Variants in SLC2A13 observed in about 807,000 individuals in gnomAD.
The protein encoded by SLC2A13 is solute carrier family 2 member 13.
Under a neutral mutation model 64.4 loss-of-function variants are expected in SLC2A13, and 32 were observed. The ratio of observed to expected loss-of-function variants is 0.50; its 90% CI spans 0.37 to 0.67. The LOEUF (loss-of-function observed/expected upper bound fraction) is 0.67. Among genes scored for constraint, SLC2A13 ranks in the 30% least tolerant of loss-of-function variants. The probability of loss-of-function intolerance (pLI) is 0.00; values close to 1 mark genes in which losing one functional copy is unlikely to be tolerated. For missense variants in SLC2A13, 743 were observed against 829.2 expected (o/e 0.90, Z 1.28); for synonymous variants, 338 against 327.1 (o/e 1.03, Z -0.36).
intron 4 of SLC2A13, among the ~76,000 whole-genome samples, chr12:39,923,753 A>G (rs1478335873): frequency 6.6e-6 from 1 of 151,332 alleles, no homozygotes; most frequent in Non-Finnish European, 1.5e-5. Flanking sequence ...AAAATTTTTC[A>G]GAAAAGAAAG....
At chr12:39,766,138 C>T (rs1220603678) in intron 7 of SLC2A13, among the ~76,000 whole-genome samples, 1 of 152,088 alleles carries the variant, frequency 6.6e-6, no homozygotes, top group Non-Finnish European at 1.5e-5. Context: ...TGTTTATCTC[C>T]TCATTTCTGA....
intron 3 of SLC2A13, among the ~76,000 whole-genome samples, chr12:40,005,546 C>G (rs1190471992): frequency 6.6e-6 from 1 of 152,150 alleles, no homozygotes; most frequent in Non-Finnish European, 1.5e-5. Flanking sequence ...TGAAGTGGTT[C>G]TCAAAGGGCA....
chr12:39,878,552 G>A (rs910121672), intron 4 of SLC2A13, among the ~76,000 whole-genome samples: 1 of 152,172 alleles, frequency 6.6e-6, no homozygotes, highest in Non-Finnish European at 1.5e-5. Context: ...GCTTGAGATT[G>A]ATTACTACAG....
At chr12:40,081,013 T>G (rs533095410) in intron 1 of SLC2A13, among the ~76,000 whole-genome samples, 1 of 152,218 alleles carries the variant, frequency 6.6e-6, no homozygotes, top group African/African-American at 2.4e-5. Context: ...TCTTTAAGGC[T>G]GCTGAATATA....
intron 7 of SLC2A13, among the ~76,000 whole-genome samples, chr12:39,773,157 A>G (rs921376976): frequency 2.0e-5 from 3 of 152,160 alleles, no homozygotes; most frequent in African/African-American, 7.2e-5. Context: ...AGAAAAAGTC[A>G]TGCTCTTGGA....
intron 3 of SLC2A13, among the ~76,000 whole-genome samples, chr12:39,951,914 T>C (rs977382286): frequency 6.6e-6 from 1 of 152,136 alleles, no homozygotes; most frequent in Non-Finnish European, 1.5e-5. Context: ...TAATAAAAGT[T>C]ACCAAAAAGT....
intron 6 of SLC2A13, among the ~76,000 whole-genome samples, chr12:39,858,353 T>C (rs1442134386): frequency 6.6e-6 from 1 of 152,214 alleles, no homozygotes; most frequent in Non-Finnish European, 1.5e-5. Flanking sequence ...CATTGTTTTC[T>C]ACTGTAGCAT....
chr12:39,838,618 A>G (rs1943092913), intron 6 of SLC2A13, among the ~76,000 whole-genome samples: 1 of 152,090 alleles, frequency 6.6e-6, no homozygotes, highest in Non-Finnish European at 1.5e-5. Flanking sequence ...GCTTCCAATT[A>G]AAGTAAAAAA....
At chr12:39,889,671 T>C (rs773317902) in intron 4 of SLC2A13, among the ~76,000 whole-genome samples, 86 of 151,608 alleles carry the variant, frequency 5.7e-4, no homozygotes, top group East Asian at 3.5e-3. Flanking sequence ...TAGCTGGGAC[T>C]ACAGGTGCCC....
At chr12:39,977,425 C>T (rs1262033472) in intron 3 of SLC2A13, among the ~76,000 whole-genome samples, 1 of 152,206 alleles carries the variant, frequency 6.6e-6, no homozygotes, top group Non-Finnish European at 1.5e-5. Flanking sequence ...TATTTTGTCT[C>T]AGTGTTCACT....
intron 1 of SLC2A13, among the ~76,000 whole-genome samples, chr12:40,063,708 A>T (rs1038214936): frequency 6.6e-6 from 1 of 152,198 alleles, no homozygotes; most frequent in Non-Finnish European, 1.5e-5. Context: ...TGACTCCAAC[A>T]AGAAAGTCAT....
intron 1 of SLC2A13, among the ~76,000 whole-genome samples, chr12:40,068,786 C>G (rs1937842575): frequency 6.6e-6 from 1 of 150,632 alleles, no homozygotes; most frequent in South Asian, 2.1e-4. Flanking sequence ...ATCATAGACA[C>G]AGCTGATAAA....
chr12:39,845,076 C>A (rs1379176007), intron 6 of SLC2A13, among the ~76,000 whole-genome samples: 2 of 151,548 alleles, frequency 1.3e-5, no homozygotes, highest in African/African-American at 4.8e-5. Flanking sequence ...AAACTAATTA[C>A]TTTTTACTGT....
At chr12:39,944,195 T>G (rs1946095099) in intron 4 of SLC2A13, among the ~76,000 whole-genome samples, 1 of 152,386 alleles carries the variant, frequency 6.6e-6, no homozygotes, top group South Asian at 2.1e-4. Flanking sequence ...TATTCCACTG[T>G]GATTTGAAAG....
chr12:39,874,733 T>C (rs1944140960), intron 4 of SLC2A13, among the ~76,000 whole-genome samples: 1 of 152,086 alleles, frequency 6.6e-6, no homozygotes, highest in Admixed American at 6.6e-5. Context: ...CTTTGTATTG[T>C]AGGCAATGGG....
intron 4 of SLC2A13, among the ~76,000 whole-genome samples, chr12:39,904,577 G>A (rs904405710): frequency 6.6e-6 from 1 of 152,016 alleles, no homozygotes; most frequent in Non-Finnish European, 1.5e-5. Context: ...CATGGAGAAA[G>A]CTCTTGTTTA....
chr12:40,047,957 AC>A, intron 2 of SLC2A13, 93 bp downstream of exon 2: 1 of 1,188,556 alleles, frequency 8.4e-7, no homozygotes, highest in Non-Finnish European at 1.2e-6. Flanking sequence ...ATGATTCAAA[AC>A]ACACAGCTAT....
chr12:39,952,228 T>C (rs753239459), intron 3 of SLC2A13, among the ~76,000 whole-genome samples: 1 of 152,152 alleles, frequency 6.6e-6, no homozygotes, highest in Non-Finnish European at 1.5e-5. Flanking sequence ...GTGTTTCAGT[T>C]ACAATGTCAC....
At chr12:39,955,847 G>T (rs139574796) in intron 3 of SLC2A13, among the ~76,000 whole-genome samples, 3 of 152,246 alleles carry the variant, frequency 2.0e-5, no homozygotes, top group African/African-American at 4.8e-5. Flanking sequence ...GCTGGAAAAA[G>T]GAAGGAAGAG....
Sources: allele counts gnomAD v4.1 joint callset (sites outside exome capture counted in the v4.1 genomes callset), GRCh38; gene constraint gnomAD v4.1.1; transcripts MANE v1.5; gene names NCBI Gene and HGNC (gene_info 2026-07-23, HGNC 2026-07-21).